FYB1: variants seen among roughly 807,000 people sequenced by gnomAD.
FYB1 encodes FYN binding protein 1, also known as FYN-binding protein 1.
A neutral mutation model predicts 94.1 loss-of-function variants in FYB1; 41 were observed. The ratio of observed to expected loss-of-function variants is 0.44; its 90% CI spans 0.34 to 0.57. The LOEUF (loss-of-function observed/expected upper bound fraction) is 0.57, where lower values mean the gene tolerates loss of function less well. FYB1 is among the 20% of genes least tolerant of loss of function. The pLI, the probability that FYB1 is intolerant of heterozygous loss-of-function variation, is 0.02. For missense variants in FYB1, 1,050 were observed against 976.8 expected (o/e 1.07, Z -1.00); for synonymous variants, 367 against 353.2 (o/e 1.04, Z -0.44).
At chr5:39,197,409 T>C (rs1351259141) in intron 2 of FYB1, among the ~76,000 whole-genome samples, 1 of 152,086 alleles carries the variant, frequency 6.6e-6, no homozygotes, top group East Asian at 1.9e-4. Context: ...CCTAGTCAGG[T>C]GTGTTTAGGG....
chr5:39,239,031 T>G (rs1322232025), intron 1 of FYB1, among the ~76,000 whole-genome samples: 1 of 152,018 alleles, frequency 6.6e-6, no homozygotes, highest in African/African-American at 2.4e-5. Context: ...TAAGTGTGAT[T>G]CGCTACACAA....
At chr5:39,247,263 A>G (rs1751522895) in intron 1 of FYB1, among the ~76,000 whole-genome samples, 1 of 151,650 alleles carries the variant, frequency 6.6e-6, no homozygotes, top group Admixed American at 6.6e-5. Flanking sequence ...CCAGATACTA[A>G]GTTTTGAAAT....
intron 8 of FYB1, 143 bp from the exon 9 acceptor site, chr5:39,134,492 T>A (rs1471521219): frequency 9.7e-6 from 7 of 720,254 alleles, no homozygotes; most frequent in Non-Finnish European, 1.5e-5. Flanking sequence ...ACCTCCCAAG[T>A]AGACCCAAAT....
At chr5:39,184,034 C>T (rs1746505548) in intron 2 of FYB1, among the ~76,000 whole-genome samples, 2 of 152,122 alleles carry the variant, frequency 1.3e-5, no homozygotes, top group South Asian at 4.1e-4. Flanking sequence ...TTTATATGAT[C>T]TACTGGCAAA....
At chr5:39,124,007 A>T (rs1740381052) in intron 13 of FYB1, among the ~76,000 whole-genome samples, 1 of 152,118 alleles carries the variant, frequency 6.6e-6, no homozygotes, top group African/African-American at 2.4e-5. Context: ...CTTCCCACTT[A>T]TCCCTAACCC....
At chr5:39,138,579 A>G (rs1741865710) in intron 6 of FYB1, 78 bp downstream of exon 6, 1 of 790,892 alleles carries the variant, frequency 1.3e-6, no homozygotes. Flanking sequence ...TAGTGTTGTT[A>G]TATACCCACT....
chr5:39,242,074 T>C (rs1614022), intron 1 of FYB1, among the ~76,000 whole-genome samples: 24,394 of 152,028 alleles, frequency 0.16, 5,204 homozygotes, highest in African/African-American at 0.47. Context: ...TTTTTTTCCC[T>C]CTCAGTTGAA....
intron 2 of FYB1, among the ~76,000 whole-genome samples, chr5:39,179,371 G>A (rs1746012556): frequency 6.6e-6 from 1 of 151,914 alleles, no homozygotes; most frequent in African/African-American, 2.4e-5. Context: ...AAGAAAATGG[G>A]TAGAGTAAGA....
chr5:39,216,579 C>T (rs1234447057), intron 1 of FYB1, among the ~76,000 whole-genome samples: 1 of 152,154 alleles, frequency 6.6e-6, no homozygotes, highest in Non-Finnish European at 1.5e-5. Context: ...CTGCAACAGG[C>T]CCCAGTGTGT....
chr5:39,256,459 T>A (rs1751946265), intron 1 of FYB1, among the ~76,000 whole-genome samples: 1 of 152,204 alleles, frequency 6.6e-6, no homozygotes, highest in South Asian at 2.1e-4. Context: ...GAATTAGCCA[T>A]CAAGACATGG....
chr5:39,174,169 T>A (rs1745497015), intron 2 of FYB1, among the ~76,000 whole-genome samples: 1 of 152,198 alleles, frequency 6.6e-6, no homozygotes, highest in South Asian at 2.1e-4. Context: ...TTGACTTCCT[T>A]GGTTAGATGA....
chr5:39,175,413 T>C (rs1229504331), intron 2 of FYB1, among the ~76,000 whole-genome samples: 1 of 152,174 alleles, frequency 6.6e-6, no homozygotes. Flanking sequence ...AGAAAGTGAC[T>C]CACATGGGCT....
chr5:39,154,224 A>G (rs1326351165), intron 2 of FYB1, among the ~76,000 whole-genome samples: 1 of 152,198 alleles, frequency 6.6e-6, no homozygotes, highest in Non-Finnish European at 1.5e-5. Context: ...TCTAGGTTCT[A>G]TCTGCTAAAT....
Position 39,134,945 on chromosome 5 carries a change from G to C in FYB1, c.1585C>G (p.Leu529Val). The C allele has an allele frequency of 1.2e-6, 2 of 1,613,860 alleles. No individual in the cohort carries two copies. The highest frequency in any genetic ancestry group is 1.7e-6 in the Non-Finnish European group (2 of 1,179,840). ...ATTTGCTCTCCTTGCTTGAAGCTCA[G>C]TTCATTCTTTCCTCCTTTGACATCA... The part of the protein sequence containing the change: ...CCDVKGGKNE[L>V]SFKQGEQIEI... Residue 529 changes from leucine to valine, a missense_variant, in exon 8 of 19, where the codon CTG (leucine) becomes GTG (valine). Coordinates refer to ENST00000512982, the MANE Select transcript of FYB1 (RefSeq NM_001465.6).
chr5:39,153,362 T>C, intron 3 of FYB1, 86 bp downstream of exon 3: 3 of 1,513,074 alleles, frequency 2.0e-6, no homozygotes, highest in Non-Finnish European at 1.8e-6. Flanking sequence ...AAGTTTCCCA[T>C]GGAACTCTCA....
chr5:39,110,155 C>T (rs934884220), intron 17 of FYB1, among the ~76,000 whole-genome samples: 1 of 151,900 alleles, frequency 6.6e-6, no homozygotes, highest in African/African-American at 2.4e-5. Context: ...GGGCTCCTCG[C>T]CTATTTAAAA....
upstream of FYB1, among the ~76,000 whole-genome samples, chr5:39,223,677 A>G (rs1750360495): frequency 6.6e-6 from 1 of 152,074 alleles, no homozygotes; most frequent in Non-Finnish European, 1.5e-5. Context: ...CTCAATGAGT[A>G]GCTCATTCTT....
intron 2 of FYB1, among the ~76,000 whole-genome samples, chr5:39,180,139 A>G (rs1450831966): frequency 1.3e-5 from 2 of 152,138 alleles, no homozygotes; most frequent in African/African-American, 2.4e-5. Context: ...TACCTAGCAC[A>G]TGGTTGGTGT....
intron 1 of FYB1, among the ~76,000 whole-genome samples, chr5:39,207,336 C>T (rs981951827): frequency 6.6e-6 from 1 of 152,290 alleles, no homozygotes; most frequent in East Asian, 1.9e-4. Flanking sequence ...AAATTAATTT[C>T]CTTTAGCCCC....
Sources: allele counts gnomAD v4.1 joint callset (sites outside exome capture counted in the v4.1 genomes callset), GRCh38; gene constraint gnomAD v4.1.1; transcripts MANE v1.5; gene names NCBI Gene and HGNC (gene_info 2026-07-23, HGNC 2026-07-21).